SHOC1: variants seen among roughly 807,000 people sequenced by gnomAD.
The protein encoded by SHOC1 is protein shortage in chiasmata 1 ortholog.
SHOC1 carries 136 observed loss-of-function variants against 179.2 expected under a neutral mutation model. The ratio of observed to expected loss-of-function variants is 0.76; its 90% CI spans 0.66 to 0.87. The LOEUF is 0.87. Among genes scored for constraint, SHOC1 ranks in the 40% least tolerant of loss-of-function variants. SHOC1 has a pLI of 0.00. For synonymous variants in SHOC1, 489 were observed against 586.6 expected, an observed-to-expected ratio of 0.83 and a Z score of 2.41; for missense variants, 1,538 against 1,700.8, an observed-to-expected ratio of 0.90 and a Z score of 1.68.
chr9:111,789,604 CT>C (rs764532562), intron 2 of SHOC1, among the ~76,000 whole-genome samples: 8 of 152,036 alleles, frequency 5.3e-5, no homozygotes, highest in Admixed American at 2.0e-4. Flanking sequence ...TTCATAATAT[CT>C]TTACTTGTTA....
chr9:111,718,960 A>G (rs1325016441), intron 15 of SHOC1, among the ~76,000 whole-genome samples: 1 of 152,174 alleles, frequency 6.6e-6, no homozygotes. Flanking sequence ...TTTCTTTTTC[A>G]TATATTGAGA....
At position 111,686,511 on chromosome 9, in the gene SHOC1, T is replaced by A. The variant is rs1345172868; in HGVS notation, c.*259A>T. ...AGACTGTGATGGAGACTCATTTAAA[T>A]GGCCTGTGTGCAGGGGTGTCTGGAA... On this transcript the variant is annotated 3_prime_UTR_variant, in exon 28 of 28. Transcript: ENST00000682961. 3 of 251,614 alleles carry A rather than the reference T, an allele frequency of 1.2e-5. No individual in the cohort carries two copies. Among genetic ancestry groups the A allele is most frequent in the Admixed American group, 5.2e-5 (1 of 19,248 alleles). 15.6% of individuals were successfully genotyped at this position (251,614 alleles called of 1,614,324 possible). A position where few individuals can be genotyped will look rare whatever the true frequency, so the allele number is the denominator to read the frequency against.
intron 15 of SHOC1, among the ~76,000 whole-genome samples, chr9:111,722,170 T>C (rs1484312252): frequency 6.6e-6 from 1 of 152,174 alleles, no homozygotes; most frequent in East Asian, 1.9e-4. Flanking sequence ...TAGGAATCTG[T>C]CAAGTAATAT....
chr9:111,787,280 G>A (rs1005666898), intron 2 of SHOC1, among the ~76,000 whole-genome samples: 1 of 152,206 alleles, frequency 6.6e-6, no homozygotes, highest in African/African-American at 2.4e-5. Context: ...AGCTGCCATA[G>A]ATGGTGATTC....
chr9:111,757,276 G>C (rs1050073970), intron 7 of SHOC1, among the ~76,000 whole-genome samples: 1 of 152,024 alleles, frequency 6.6e-6, no homozygotes, highest in African/African-American at 2.4e-5. Flanking sequence ...CTAATTTTTT[G>C]TATTTTTAGT....
At chr9:111,789,692 T>G (rs1836386253) in intron 2 of SHOC1, among the ~76,000 whole-genome samples, 1 of 152,204 alleles carries the variant, frequency 6.6e-6, no homozygotes, top group Non-Finnish European at 1.5e-5. Flanking sequence ...CATTGATTAG[T>G]ATAGCGTTTG....
At chr9:111,717,487 G>T (rs1832844420) in intron 16 of SHOC1, among the ~76,000 whole-genome samples, 1 of 151,956 alleles carries the variant, frequency 6.6e-6, no homozygotes, top group South Asian at 2.1e-4. Context: ...CAGCTTCCTG[G>T]GGGGCTGAGG....
intron 20 of SHOC1, among the ~76,000 whole-genome samples, chr9:111,706,338 TTAGA>T (rs1832273412): frequency 6.6e-6 from 1 of 152,000 alleles, no homozygotes; most frequent in Non-Finnish European, 1.5e-5. Context: ...AATTTAGAAG[TTAGA>T]TAAAGGAATG....
At chr9:111,766,573 T>C (rs1835368758) in intron 5 of SHOC1, among the ~76,000 whole-genome samples, 1 of 152,092 alleles carries the variant, frequency 6.6e-6, no homozygotes, top group South Asian at 2.1e-4. Flanking sequence ...TACAAGCCAT[T>C]TTAACTTGGG....
chr9:111,785,302 A>G (rs548738617), intron 3 of SHOC1, among the ~76,000 whole-genome samples: 1 of 152,288 alleles, frequency 6.6e-6, no homozygotes, highest in African/African-American at 2.4e-5. Context: ...TCTCTTCTCT[A>G]TACATTTATC....
At chr9:111,701,959 T>C in intron 23 of SHOC1, 146 bp downstream of exon 23, 1 of 536,664 alleles carries the variant, frequency 1.9e-6, no homozygotes. Flanking sequence ...TTTGTTTTCC[T>C]GTGATCATAC....
chr9:111,705,557 T>C (rs535926232), intron 20 of SHOC1, among the ~76,000 whole-genome samples, 193 bp from the exon 21 acceptor site: 22 of 151,928 alleles, frequency 1.4e-4, no homozygotes, highest in African/African-American at 5.3e-4. Context: ...AGAAATAAGT[T>C]AATAGAGTTT....
intron 18 of SHOC1, among the ~76,000 whole-genome samples, chr9:111,708,976 C>T (rs1832403898): frequency 6.6e-6 from 1 of 152,142 alleles, no homozygotes; most frequent in Non-Finnish European, 1.5e-5. Context: ...CTTGACATGA[C>T]AATAGTTCTG....
chr9:111,741,643 TA>T (rs1224746880), intron 10 of SHOC1, 73 bp from the exon 11 acceptor site: 4 of 829,120 alleles, frequency 4.8e-6, no homozygotes, highest in East Asian at 6.3e-5. Flanking sequence ...TATTTTATTT[TA>T]TTTTTTTGAG....
Position 111,702,165 on chromosome 9 carries a change from A to G in SHOC1, c.3029T>C (p.Leu1010Ser). ...SDNIIMRLMA[L>S]SLQYRYCWII... ...CCAACAATATCTGTACTGTAATGATAATGCCATCAGCCTCATAATGATATT... is the reference window on the plus strand; with the variant it reads ...CCAACAATATCTGTACTGTAATGATGATGCCATCAGCCTCATAATGATATT... The change falls in exon 23 of 28, where the codon TTA (leucine) becomes TCA (serine). Residue 1010 changes from leucine (L) to serine (S), a missense_variant. Coordinates refer to ENST00000682961, the MANE Select transcript of SHOC1 (RefSeq NM_001378211.1). The G allele has an allele frequency of 6.8e-7, 1 of 1,481,198 alleles. No homozygotes were observed. Among genetic ancestry groups the G allele is most frequent in the Non-Finnish European group, 9.4e-7 (1 of 1,061,610 alleles). 91.8% of individuals were successfully genotyped at this position (1,481,198 alleles called of 1,614,324 possible).
Position 111,692,028 on chromosome 9 carries a change from C to T in SHOC1, c.3949G>A (p.Val1317Met), listed in dbSNP as rs748774515. Residue 1317 changes from valine (V) to methionine (M), a missense_variant, in exon 27 of 28, where the codon GTG (valine) becomes ATG (methionine). By Grantham distance (21) the Val-to-Met change is conservative (BLOSUM62 1). Transcript: ENST00000682961. ...IKSPTDTQKR[V>M]SVVPRFINSQ... Reference sequence around the variant, plus strand: ...TTTATAAAACGGGGGACAACTGACACTCTCTTCTGAGTGTCAGTTGGTGAT... The same window carrying T: ...TTTATAAAACGGGGGACAACTGACATTCTCTTCTGAGTGTCAGTTGGTGAT... The T allele has an allele frequency of 6.2e-7, 1 of 1,613,308 alleles. No individual in the cohort carries two copies. The highest frequency in any genetic ancestry group is 2.2e-5 in the East Asian group (1 of 44,868).
intron 8 of SHOC1, among the ~76,000 whole-genome samples, chr9:111,755,004 A>G (rs6477849): frequency 0.82 from 125,283 of 152,176 alleles, 51,795 homozygotes; most frequent in East Asian, 0.92. Context: ...CACTTTTATT[A>G]TTATTGTTGT....
At chr9:111,703,365 C>T (rs1002729196) in intron 22 of SHOC1, among the ~76,000 whole-genome samples, 8 of 152,026 alleles carry the variant, frequency 5.3e-5, no homozygotes, top group Non-Finnish European at 7.4e-5. Context: ...GTTGGTTCTC[C>T]GATCAAGCAA....
In SHOC1 at chr9:111,763,475, TCTC is replaced by T. The variant is rs575347429; in HGVS notation, c.443-4630_443-4628del. On this transcript the variant is annotated intron_variant, in intron 5 of 27. Coordinates refer to ENST00000682961, the MANE Select transcript of SHOC1 (RefSeq NM_001378211.1). ...TTAGGAATCAGAATGGCATTGGACT[TCTC>T]AACAGCAATATTGGAAGCTAGAATC... Among the ~76,000 whole-genome samples the T allele has an allele frequency of 2.4e-3, 370 of 152,186 alleles. 1 individual carries two copies. The highest frequency in any genetic ancestry group is 4.1e-3 in the Non-Finnish European group (281 of 67,996).
Sources: gnomAD v4.1 joint callset for allele counts (sites outside exome capture counted in the v4.1 genomes callset) on GRCh38, gnomAD v4.1.1 for gene constraint, MANE v1.5 for transcripts, NCBI Gene and HGNC (gene_info 2026-07-23, HGNC 2026-07-21) for gene names.